SLC29A4: variants seen among roughly 807,000 people sequenced by gnomAD.
The protein encoded by SLC29A4 is equilibrative nucleoside transporter 4.
In SLC29A4, 36 loss-of-function variants were observed where a neutral mutation model predicts 43.9. The observed-to-expected ratio is 0.82, with a 90% CI of 0.63 to 1.08. SLC29A4 has a LOEUF of 1.08. Ranked by LOEUF, SLC29A4 falls within the 50% of genes least tolerant of loss-of-function variation. SLC29A4 has a pLI of 0.00. For missense variants in SLC29A4, 869 were observed against 755.3 expected (o/e 1.15, Z -1.77); for synonymous variants, 491 against 338.0 (o/e 1.45, Z -4.97).
At chr7:5,290,108 C>A (rs1475294253) in intron 2 of SLC29A4, among the ~76,000 whole-genome samples, 1 of 143,502 alleles carries the variant, frequency 7.0e-6, no homozygotes, top group Non-Finnish European at 1.5e-5. Context: ...GGTTGGAGTG[C>A]AGTGGCGCGA....
chr7:5,296,960 T>C lies in SLC29A4; in HGVS notation c.644T>C (p.Leu215Pro). 6.3e-7 allele frequency: 1 copy of C among 1,587,818 alleles called. No homozygotes were observed. Among genetic ancestry groups the C allele is most frequent in the Non-Finnish European group, 8.5e-7 (1 of 1,171,300 alleles). The change falls in exon 7 of 11, where the codon CTG (leucine) becomes CCG (proline). Residue 215 changes from leucine to proline, a missense_variant. Leu to Pro is a moderately conservative substitution (Grantham distance 98). Transcript: ENST00000396872. ...GESTAGVMIS[L>P]SRILTKLLLP... is the part of the protein sequence containing the mutation. Reference sequence around the variant, plus strand: ...GGCACGGCGGGCGTGATGATCTCTCTGAGCCGCATCCTCACGAAGCTGCTG... The same window carrying C: ...GGCACGGCGGGCGTGATGATCTCTCCGAGCCGCATCCTCACGAAGCTGCTG...
chr7:5,286,862 T>C lies in SLC29A4; in HGVS notation c.-8-947T>C, dbSNP rs576466807. Among the ~76,000 whole-genome samples the C allele has an allele frequency of 5.9e-4, 90 of 152,288 alleles. No homozygotes were observed. The South Asian group carries it at 0.017, about 28-fold the overall frequency. ...CTTTCCTCAGCTGAAAAATGAGTGA[T>C]AAAGGCAGCTTCCTCCCAGAGGACA... On this transcript the variant is annotated intron_variant, in intron 1 of 10. Coordinates refer to ENST00000396872, the MANE Select transcript of SLC29A4 (RefSeq NM_153247.4).
rs1181319960 is a variant in SLC29A4, at chr7:5,298,929, G to T, written c.883-59G>T. 2.2e-5 allele frequency: 34 copies of T among 1,563,892 alleles called. No individual in the cohort carries two copies. The South Asian group carries it at 2.4e-4, about 11-fold the overall frequency. On this transcript the variant is annotated intron_variant, in intron 7 of 10. Coordinates refer to ENST00000396872, the MANE Select transcript of SLC29A4 (RefSeq NM_153247.4). ...TCTTCTGATTGGGCCTGGATTCCTG[G>T]CCCGTGTCTCCTGTCCTCCCTTCCA...
rs1220803057 is a variant in SLC29A4, at chr7:5,304,034, A to G, written c.*1095A>G. On this transcript the variant is annotated 3_prime_UTR_variant, in exon 11 of 11. Transcript: ENST00000396872. Reference sequence around the variant, plus strand: ...GTCCACTAACTGTACCGCACCGGCCATTAAAAGATGAAGGCAGACCGCTGC... The same window carrying G: ...GTCCACTAACTGTACCGCACCGGCCGTTAAAAGATGAAGGCAGACCGCTGC... The G allele has an allele frequency of 1.3e-5, 2 of 152,262 alleles. No individual in the cohort carries two copies. The highest frequency in any genetic ancestry group is 2.9e-5 in the Non-Finnish European group (2 of 68,080). 9.4% of individuals were successfully genotyped at this position (152,262 alleles called of 1,614,324 possible). A position where few individuals can be genotyped will look rare whatever the true frequency, so the allele number is the denominator to read the frequency against.
chr7:5,291,971 C>T, intron 5 of SLC29A4, 150 bp downstream of exon 5: 8 of 1,064,120 alleles, frequency 7.5e-6, no homozygotes, highest in Non-Finnish European at 1.1e-5. Context: ...CCAGCGTGCA[C>T]ACCGGCTCAC....
At chr7:5,298,483 A>G (rs1436469095) in intron 7 of SLC29A4, among the ~76,000 whole-genome samples, 1 of 151,994 alleles carries the variant, frequency 6.6e-6, no homozygotes, top group Non-Finnish European at 1.5e-5. Flanking sequence ...ATGAGATGGA[A>G]TTTGCTGCAT....
intron 4 of SLC29A4, 82 bp from the exon 5 acceptor site, chr7:5,291,611 C>A: frequency 1.0e-5 from 15 of 1,494,232 alleles, no homozygotes; most frequent in South Asian, 1.3e-5. Context: ...AGCCTCAGAG[C>A]GACTCTGCAG....
At position 5,306,559 on chromosome 7, in the gene SLC29A4, CCTGACTT is replaced by C. The variant is rs1786518448; in HGVS notation, c.*3622_*3628del. On this transcript the variant is annotated 3_prime_UTR_variant, in exon 11 of 11. Transcript: ENST00000396872. Reference sequence around the variant, plus strand: ...ATATTGGCCAGGCTGGTCTCGAACTCCTGACTTCAAGTGATCCGCCTGCCTTGGCCTC... The same window carrying C: ...ATATTGGCCAGGCTGGTCTCGAACTCCAAGTGATCCGCCTGCCTTGGCCTC... 1 of 152,068 alleles carries C rather than the reference CCTGACTT, an allele frequency of 6.6e-6. No individual in the cohort carries two copies. The highest frequency in any genetic ancestry group is 2.4e-5 in the African/African-American group (1 of 41,408). The allele number at this position is 152,068 out of a possible 1,614,324, so 9.4% of individuals were successfully genotyped here. A position where few individuals can be genotyped will look rare whatever the true frequency, so the allele number is the denominator to read the frequency against.
intron 10 of SLC29A4, 39 bp from the exon 11 acceptor site, chr7:5,302,758 G>T (rs558205850): frequency 9.8e-6 from 15 of 1,530,440 alleles, no homozygotes; most frequent in Non-Finnish European, 1.1e-5. Flanking sequence ...CCAGGTGGCC[G>T]CCCTGGCCCT....
At chr7:5,302,099 C>T (rs781751212) in intron 10 of SLC29A4, among the ~76,000 whole-genome samples, 3 of 152,114 alleles carry the variant, frequency 2.0e-5, no homozygotes, top group Non-Finnish European at 4.4e-5. Flanking sequence ...TATGGATGCC[C>T]CCCACCATAC....
At chr7:5,284,267 G>A (rs1784831520) in intron 1 of SLC29A4, among the ~76,000 whole-genome samples, 1 of 152,180 alleles carries the variant, frequency 6.6e-6, no homozygotes, top group African/African-American at 2.4e-5. Flanking sequence ...AGCGGTGGGA[G>A]CCCTGCCTTG....
intron 1 of SLC29A4, among the ~76,000 whole-genome samples, chr7:5,285,959 G>A (rs976050138): frequency 5.9e-5 from 9 of 152,072 alleles, no homozygotes; most frequent in African/African-American, 2.2e-4. Context: ...CCAGTGAGTT[G>A]TGATCGCGCC....
In SLC29A4 at chr7:5,294,946, C is replaced by T. The variant is rs778912838; in HGVS notation, c.619+12C>T. On this transcript the variant is annotated intron_variant, in intron 6 of 10. Coordinates refer to ENST00000396872, the MANE Select transcript of SLC29A4 (RefSeq NM_153247.4). The stretch of plus-strand genomic sequence containing the variant: ...GATGACCGGGGAGAGTGAGTATCTG[C>T]AGACCCCCCGGGGAGGGGGTGCTGG... 3.5e-5 allele frequency: 56 copies of T among 1,601,018 alleles called. No individual in the cohort carries two copies. Among genetic ancestry groups the T allele is most frequent in the Non-Finnish European group, 4.7e-5 (55 of 1,175,542 alleles).
intron 7 of SLC29A4, among the ~76,000 whole-genome samples, chr7:5,298,571 C>G (rs1224111533): frequency 2.6e-5 from 4 of 152,018 alleles, no homozygotes; most frequent in Non-Finnish European, 5.9e-5. Flanking sequence ...GTGGGAGGAT[C>G]GCTTGAGCCC....
At position 5,290,051 on chromosome 7, in the gene SLC29A4, A is replaced by ACTT. The variant is rs1562443470; in HGVS notation, c.170-681_170-680insCTT. Among the ~76,000 whole-genome samples, 441 of 69,098 alleles carry ACTT rather than the reference A, an allele frequency of 6.4e-3. 1 individual carries two copies. The highest frequency in any genetic ancestry group is 0.018 in the African/African-American group (410 of 22,484). 45.3% of individuals were successfully genotyped at this position (69,098 alleles called of 152,430 possible). A position where few individuals can be genotyped will look rare whatever the true frequency, so the allele number is the denominator to read the frequency against. On this transcript the variant is annotated intron_variant, in intron 2 of 10. Coordinates refer to ENST00000396872, the MANE Select transcript of SLC29A4 (RefSeq NM_153247.4). ...TAGGCGTGCACCACCATGCCCAGCT[A>ACTT]ATTTTTTTTTTTTTTTTTTTGAGAC... is the stretch of plus-strand genomic sequence containing the variant.
At position 5,303,976 on chromosome 7, in the gene SLC29A4, T is replaced by A. The variant is rs965738187; in HGVS notation, c.*1037T>A. The A allele has an allele frequency of 2.0e-5, 3 of 152,516 alleles. No individual in the cohort carries two copies. The highest frequency in any genetic ancestry group is 4.4e-5 in the Non-Finnish European group (3 of 68,298). The allele number at this position is 152,516 out of a possible 1,614,324, so 9.4% of individuals were successfully genotyped here. A position where few individuals can be genotyped will look rare whatever the true frequency, so the allele number is the denominator to read the frequency against. ...TCCCCGGCCCCGGCTGTGACTGCCC[T>A]GTTTCACCCCTGCTGTGTCCCATCC... On this transcript the variant is annotated 3_prime_UTR_variant, in exon 11 of 11. Transcript: ENST00000396872.
chr7:5,290,120 C>G (rs1238726811), intron 2 of SLC29A4, among the ~76,000 whole-genome samples: 1 of 148,226 alleles, frequency 6.7e-6, no homozygotes, highest in Non-Finnish European at 1.5e-5. Flanking sequence ...GTGGCGCGAT[C>G]TCGGCTCACT....
intron 10 of SLC29A4, among the ~76,000 whole-genome samples, chr7:5,302,073 C>A (rs1458805055): frequency 6.6e-6 from 1 of 152,180 alleles, no homozygotes; most frequent in African/African-American, 2.4e-5. Context: ...GCCTCAGCCT[C>A]CTGAGTAGCT....
chr7:5,287,784 G>A (rs764447381), intron 1 of SLC29A4, 25 bp from the exon 2 acceptor site: 99 of 1,603,970 alleles, frequency 6.2e-5, no homozygotes, highest in Non-Finnish European at 7.9e-5. Flanking sequence ...TCCCTCACCT[G>A]CTCTCTCTGC....
Sources: gnomAD v4.1 joint callset for allele counts (sites outside exome capture counted in the v4.1 genomes callset) on GRCh38, gnomAD v4.1.1 for gene constraint, MANE v1.5 for transcripts, NCBI Gene and HGNC (gene_info 2026-07-23, HGNC 2026-07-21) for gene names.